Variants in TMEM132C observed in about 807,000 individuals in gnomAD.
The protein encoded by TMEM132C is transmembrane protein 132C.
TMEM132C carries 29 observed loss-of-function variants against 61.4 expected under a neutral mutation model. The ratio of observed to expected loss-of-function variants is 0.47; its 90% CI spans 0.35 to 0.64. TMEM132C has a LOEUF of 0.64. TMEM132C is among the 30% of genes least tolerant of loss of function. The probability of loss-of-function intolerance (pLI) is 0.00; values close to 1 mark genes in which losing one functional copy is unlikely to be tolerated. For synonymous variants in TMEM132C, 656 were observed against 633.1 expected, an observed-to-expected ratio of 1.04 and a Z score of -0.54; for missense variants, 1,408 against 1,476.9, an observed-to-expected ratio of 0.95 and a Z score of 0.76.
rs950380350 is a variant in TMEM132C, at chr12:128,278,090, G to T, written c.85+10603G>T. Among the ~76,000 whole-genome samples the T allele has an allele frequency of 2.0e-5, 3 of 152,028 alleles. No individual in the cohort carries two copies. Among genetic ancestry groups the T allele is most frequent in the African/African-American group, 7.2e-5 (3 of 41,408 alleles). ...GGGATCCCTGGGCTGAGTTGCTAAA[G>T]CCTGCCAGTTTCTCATGCCGCAGCT... On this transcript the variant is annotated intron_variant, in intron 1 of 8. Transcript: ENST00000435159. The surrounding 1 kb of genome is among the most constrained non-coding windows in gnomAD (Gnocchi z 4.2).
At chr12:128,547,931 G>C (rs768357088) in intron 3 of TMEM132C, among the ~76,000 whole-genome samples, 3 of 152,192 alleles carry the variant, frequency 2.0e-5, no homozygotes, top group Non-Finnish European at 2.9e-5. Context: ...AACAAGCACA[G>C]CTTCAGAGCA....
chr12:128,274,915 G>T (rs1049228714), intron 1 of TMEM132C, among the ~76,000 whole-genome samples: 2 of 152,136 alleles, frequency 1.3e-5, no homozygotes, highest in Non-Finnish European at 2.9e-5. Flanking sequence ...CACACAGATT[G>T]TGTAGGCCCA....
At chr12:128,455,547 C>T (rs1003419941) in intron 2 of TMEM132C, among the ~76,000 whole-genome samples, 2 of 152,136 alleles carry the variant, frequency 1.3e-5, no homozygotes, top group Non-Finnish European at 2.9e-5. Flanking sequence ...TGTATGTGAC[C>T]GTAAACGTGT....
rs1348222825 is a variant in TMEM132C, at chr12:128,463,388, A to G, written c.974+47768A>G. 2.0e-5 allele frequency among the ~76,000 whole-genome samples: 3 copies of G among 152,018 alleles called. No individual in the cohort carries two copies. The East Asian group carries it at 5.8e-4, about 29-fold the overall frequency. ...GGCTGGAGTGCAATGACGCGATCTCAGCTCACTGCTACCTCCGCCTCCTGG... is the reference window on the plus strand; with the variant it reads ...GGCTGGAGTGCAATGACGCGATCTCGGCTCACTGCTACCTCCGCCTCCTGG... On this transcript the variant is annotated intron_variant, in intron 2 of 8. Transcript: ENST00000435159.
chr12:128,373,099 A>C (rs1376597332), intron 1 of TMEM132C, among the ~76,000 whole-genome samples: 1 of 152,182 alleles, frequency 6.6e-6, no homozygotes, highest in Non-Finnish European at 1.5e-5. Context: ...TAACAGCACA[A>C]GCTATCGGAG....
intron 3 of TMEM132C, among the ~76,000 whole-genome samples, chr12:128,582,353 G>A (rs1875369737): frequency 6.6e-6 from 1 of 151,380 alleles, no homozygotes; most frequent in South Asian, 2.1e-4. Context: ...GGTGAATGGG[G>A]ATGCAGGGAA....
At chr12:128,427,857 T>C (rs1404067793) in intron 2 of TMEM132C, among the ~76,000 whole-genome samples, 4 of 152,218 alleles carry the variant, frequency 2.6e-5, no homozygotes, top group Non-Finnish European at 5.9e-5. Flanking sequence ...TTGCAAGCAC[T>C]GCGGACATGC....
chr12:128,436,390 A>C (rs1305300557), intron 2 of TMEM132C, among the ~76,000 whole-genome samples: 2 of 152,244 alleles, frequency 1.3e-5, no homozygotes, highest in Admixed American at 1.3e-4. Flanking sequence ...AAATTTTTGC[A>C]ATCTCCCCAT....
intron 1 of TMEM132C, among the ~76,000 whole-genome samples, chr12:128,403,222 A>T (rs1875230072): frequency 6.6e-6 from 1 of 152,214 alleles, no homozygotes; most frequent in South Asian, 2.1e-4. Flanking sequence ...ATAAATCACC[A>T]ATGGAGAGAG....
At chr12:128,700,724 G>A (rs61944475) in intron 8 of TMEM132C, among the ~76,000 whole-genome samples, 38,087 of 152,112 alleles carry the variant, frequency 0.25, 5,905 homozygotes, top group East Asian at 0.37. Flanking sequence ...AAGTAGGATC[G>A]AAAAATGAAA....
intron 1 of TMEM132C, among the ~76,000 whole-genome samples, chr12:128,313,470 C>T (rs12426537): frequency 0.33 from 50,643 of 151,900 alleles, 8,769 homozygotes; most frequent in East Asian, 0.47. Flanking sequence ...AATTCTTTTC[C>T]CAAAGGCGAG....
At chr12:128,508,229 C>G (rs1192902101) in intron 2 of TMEM132C, among the ~76,000 whole-genome samples, 1 of 152,160 alleles carries the variant, frequency 6.6e-6, no homozygotes, top group Admixed American at 6.5e-5. Flanking sequence ...ATAAAACCAT[C>G]AGATTTCATA....
intron 2 of TMEM132C, among the ~76,000 whole-genome samples, chr12:128,527,794 T>G (rs1873141069): frequency 6.6e-6 from 1 of 152,052 alleles, no homozygotes; most frequent in South Asian, 2.1e-4. Context: ...GGCAATATTT[T>G]CAAGCCAACA....
intron 1 of TMEM132C, among the ~76,000 whole-genome samples, chr12:128,337,335 T>A (rs1398090500): frequency 1.4e-4 from 21 of 152,352 alleles, no homozygotes; most frequent in South Asian, 4.1e-4. Flanking sequence ...TTTTCTATTG[T>A]TCGCGGGGAC....
At chr12:128,306,253 T>G (rs987438730) in intron 1 of TMEM132C, among the ~76,000 whole-genome samples, 8 of 149,582 alleles carry the variant, frequency 5.3e-5, no homozygotes, top group Non-Finnish European at 1.2e-4. Flanking sequence ...TGCCCAGGCT[T>G]GAGTACAGTG....
chr12:128,565,494 G>C (rs1381254670), intron 3 of TMEM132C, among the ~76,000 whole-genome samples: 1 of 152,016 alleles, frequency 6.6e-6, no homozygotes, highest in African/African-American at 2.4e-5. Flanking sequence ...ATAAACTCTT[G>C]GTATTAAAAA....
intron 3 of TMEM132C, among the ~76,000 whole-genome samples, chr12:128,615,549 G>A (rs571595298): frequency 2.6e-5 from 4 of 152,118 alleles, no homozygotes; most frequent in Non-Finnish European, 5.9e-5. Flanking sequence ...ACACAACCTC[G>A]ATCCCTTACA....
chr12:128,625,362 G>A (rs972026419), intron 4 of TMEM132C, among the ~76,000 whole-genome samples: 6 of 152,196 alleles, frequency 3.9e-5, no homozygotes, highest in East Asian at 3.9e-4. Context: ...GTGTCCCCAC[G>A]TGGTGGAATG....
chr12:128,555,493 C>T (rs1048257236), intron 3 of TMEM132C, among the ~76,000 whole-genome samples: 7 of 152,176 alleles, frequency 4.6e-5, no homozygotes, highest in Non-Finnish European at 8.8e-5. Context: ...AAGTTAAAAA[C>T]GTCTCCCACT....
Sources: gnomAD v4.1 joint callset for allele counts (sites outside exome capture counted in the v4.1 genomes callset) on GRCh38, gnomAD v4.1.1 for gene constraint, Gnocchi (gnomAD v3.1) non-coding constraint, MANE v1.5 for transcripts, NCBI Gene and HGNC (gene_info 2026-07-23, HGNC 2026-07-21) for gene names.